PGAP4: variants seen among roughly 807,000 people sequenced by gnomAD.
PGAP4 encodes post-GPI attachment to proteins GalNAc transferase 4, also known as GPI-N-acetylgalactosamine transferase PGAP4.
Under a neutral mutation model 28.2 loss-of-function variants are expected in PGAP4, and 12 were observed. The ratio of observed to expected loss-of-function variants is 0.42; its 90% CI spans 0.27 to 0.69. The LOEUF (loss-of-function observed/expected upper bound fraction) is 0.69, where lower values mean the gene tolerates loss of function less well. PGAP4 is among the 30% of genes least tolerant of loss of function. The probability of loss-of-function intolerance (pLI) is 0.22; values close to 1 mark genes in which losing one functional copy is unlikely to be tolerated. For synonymous variants in PGAP4, 205 were observed against 211.8 expected (o/e 0.97, Z 0.28); for missense variants, 425 against 513.5 (o/e 0.83, Z 1.67).
intron 2 of PGAP4, among the ~76,000 whole-genome samples, chr9:101,508,565 A>T (rs1406761611): frequency 6.6e-6 from 1 of 152,134 alleles, no homozygotes; most frequent in African/African-American, 2.4e-5. Context: ...GAGGTCTGTT[A>T]TGTAAATCCT....
chr9:101,477,897 T>G (rs1212040022), intron 1 of PGAP4, among the ~76,000 whole-genome samples: 1 of 151,352 alleles, frequency 6.6e-6, no homozygotes, highest in Non-Finnish European at 1.5e-5. Flanking sequence ...GGAAGATCCA[T>G]GAGTAGCTTT....
intron 1 of PGAP4, among the ~76,000 whole-genome samples, chr9:101,480,908 G>A (rs751598579): frequency 4.1e-4 from 63 of 152,230 alleles, no homozygotes; most frequent in Non-Finnish European, 7.9e-4. Context: ...TGGATGTGGT[G>A]CCTGAAGCCT....
chr9:101,533,401 C>G (rs1255773040), exon 1 of PGAP4: 1 of 152,266 alleles, frequency 6.6e-6, no homozygotes, highest in East Asian at 1.9e-4. Context: ...CCTCAAATCC[C>G]TCAGATTCTC....
Position 101,473,442 on chromosome 9 carries a change from C to T in PGAP4, c.*2439G>A, listed in dbSNP as rs528361644. 4.6e-5 allele frequency: 7 copies of T among 152,340 alleles called. No individual in the cohort carries two copies. The South Asian group carries it at 1.4e-3, about 32-fold the overall frequency. The allele number at this position is 152,340 out of a possible 1,614,324, so 9.4% of individuals were successfully genotyped here. ...TCAAGGACAATACACAAAAATTAGA[C>T]TCCTTATAAGAATAAGGGATTAAAT... On this transcript the variant is annotated 3_prime_UTR_variant, in exon 2 of 2. Coordinates refer to ENST00000374848, the MANE Select transcript of PGAP4 (RefSeq NM_032342.3).
intron 2 of PGAP4, chr9:101,501,749 T>G: frequency 1.9e-6 from 1 of 519,096 alleles, no homozygotes; most frequent in South Asian, 1.4e-5. Flanking sequence ...TGGGTTATTC[T>G]TTCTGTCCCA....
chr9:101,477,752 A>G (rs1192674027), intron 1 of PGAP4, among the ~76,000 whole-genome samples: 1 of 152,228 alleles, frequency 6.6e-6, no homozygotes, highest in Non-Finnish European at 1.5e-5. Context: ...ACTATACTTA[A>G]CATTGCATAT....
chr9:101,512,522 C>A (rs1038757388), intron 2 of PGAP4, among the ~76,000 whole-genome samples: 1 of 152,134 alleles, frequency 6.6e-6, no homozygotes, highest in Non-Finnish European at 1.5e-5. Context: ...ACATGGGAGG[C>A]TGACTGATTC....
intron 2 of PGAP4, among the ~76,000 whole-genome samples, chr9:101,495,039 A>T (rs186479985): frequency 7.0e-6 from 1 of 143,096 alleles, no homozygotes; most frequent in Admixed American, 7.6e-5. Context: ...TATCAATACC[A>T]TATCCCTAAA....
chr9:101,506,424 G>A (rs1826849281), intron 2 of PGAP4, among the ~76,000 whole-genome samples: 1 of 152,010 alleles, frequency 6.6e-6, no homozygotes, highest in Non-Finnish European at 1.5e-5. Context: ...AGTGACTCAA[G>A]GCCCTTTTCT....
intron 2 of PGAP4, among the ~76,000 whole-genome samples, chr9:101,493,594 G>T (rs1295991432): frequency 6.6e-6 from 1 of 152,136 alleles, no homozygotes; most frequent in Non-Finnish European, 1.5e-5. Flanking sequence ...ATTAAACTAT[G>T]ATCTTGCCAA....
intron 2 of PGAP4, among the ~76,000 whole-genome samples, chr9:101,523,170 G>A (rs1421679386): frequency 4.8e-5 from 7 of 146,482 alleles, no homozygotes; most frequent in Admixed American, 2.0e-4. Context: ...TCTTTCCTTC[G>A]TCTTAACTTT....
chr9:101,526,430 C>A (rs1487983500), intron 2 of PGAP4, among the ~76,000 whole-genome samples: 2 of 152,086 alleles, frequency 1.3e-5, no homozygotes, highest in African/African-American at 4.8e-5. Flanking sequence ...GCATCCAGTA[C>A]TTTTATTTTT....
At chr9:101,506,496 T>C (rs1225381053) in intron 2 of PGAP4, among the ~76,000 whole-genome samples, 1 of 152,104 alleles carries the variant, frequency 6.6e-6, no homozygotes, top group African/African-American at 2.4e-5. Flanking sequence ...AGAGACCTTC[T>C]GTCTGAGCTA....
At chr9:101,507,987 G>A (rs1293065142) in intron 2 of PGAP4, among the ~76,000 whole-genome samples, 3 of 152,064 alleles carry the variant, frequency 2.0e-5, no homozygotes, top group South Asian at 2.1e-4. Context: ...CATTTGAAAT[G>A]CTATCATGCT....
At chr9:101,494,437 A>T (rs1826718420) in intron 2 of PGAP4, among the ~76,000 whole-genome samples, 1 of 151,940 alleles carries the variant, frequency 6.6e-6, no homozygotes, top group Admixed American at 6.6e-5. Flanking sequence ...AATTTTCTTA[A>T]ATCTGGAGAT....
In PGAP4 at chr9:101,475,484, C is replaced by T. The variant is rs1324420937; in HGVS notation, c.*397G>A. 3 of 204,744 alleles carry T rather than the reference C, an allele frequency of 1.5e-5. No individual in the cohort carries two copies. The East Asian group carries it at 3.4e-4, about 23-fold the overall frequency. 12.7% of individuals were successfully genotyped at this position (204,744 alleles called of 1,614,324 possible). A position where few individuals can be genotyped will look rare whatever the true frequency, so the allele number is the denominator to read the frequency against. On this transcript the variant is annotated 3_prime_UTR_variant, in exon 2 of 2. Transcript: ENST00000374848. ...GAGAAAGAACTCAATTCCAAAGGAT[C>T]TCACCTTTCACAAAATTCTACCCTT...
At chr9:101,521,132 A>T (rs1826985713) in intron 2 of PGAP4, among the ~76,000 whole-genome samples, 1 of 152,028 alleles carries the variant, frequency 6.6e-6, no homozygotes, top group African/African-American at 2.4e-5. Flanking sequence ...CTATTTTGTG[A>T]AGGATTTTAG....
intron 2 of PGAP4, among the ~76,000 whole-genome samples, chr9:101,522,463 T>C (rs1472254729): frequency 1.3e-5 from 2 of 152,244 alleles, no homozygotes; most frequent in Non-Finnish European, 2.9e-5. Flanking sequence ...TACCATTATA[T>C]AATGTCCCTC....
At chr9:101,525,238 C>T (rs16920462) in intron 2 of PGAP4, among the ~76,000 whole-genome samples, 12,988 of 152,132 alleles carry the variant, frequency 0.085, 609 homozygotes, top group Middle Eastern at 0.14. Flanking sequence ...TTTGTGCTTG[C>T]TATTTAGTTT....
Sources: gnomAD v4.1 joint callset for allele counts (sites outside exome capture counted in the v4.1 genomes callset) on GRCh38, gnomAD v4.1.1 for gene constraint, MANE v1.5 for transcripts, NCBI Gene and HGNC (gene_info 2026-07-23, HGNC 2026-07-21) for gene names.